The following VPS13A variants were observed in gnomAD, a reference collection of about 807,000 sequenced individuals.
VPS13A encodes the protein intermembrane lipid transfer protein VPS13A.
Under a neutral mutation model 390.9 loss-of-function variants are expected in VPS13A, and 264 were observed. The observed-to-expected ratio is 0.68, with a 90% confidence interval of 0.61 to 0.75. The LOEUF (loss-of-function observed/expected upper bound fraction) is 0.75, where lower values mean the gene tolerates loss of function less well. Ranked by LOEUF, VPS13A falls within the 30% of genes least tolerant of loss-of-function variation. The pLI is 0.00. For synonymous variants in VPS13A, 1,231 were observed against 1,227.1 expected (o/e 1.00, Z -0.07); for missense variants, 3,409 against 3,733.9 (o/e 0.91, Z 2.27).
intron 33 of VPS13A, among the ~76,000 whole-genome samples, chr9:77,302,359 AT>A (rs1828423342): frequency 1.7e-5 from 2 of 119,050 alleles, no homozygotes; most frequent in Admixed American, 8.5e-5. Flanking sequence ...AAAAATACAT[AT>A]TTTTCCCCTT....
At chr9:77,357,316 C>CAAAAA (rs1156801817) in intron 55 of VPS13A, among the ~76,000 whole-genome samples, 98 of 44,484 alleles carry the variant, frequency 2.2e-3, no homozygotes, top group African/African-American at 3.0e-3. Context: ...GACTCTGTCT[C>CAAAAA]AAAAAAAAAA....
chr9:77,199,859 G>T, intron 1 of VPS13A, 86 bp from the exon 2 acceptor site: 1 of 1,111,746 alleles, frequency 9.0e-7, no homozygotes, highest in South Asian at 1.4e-5. Flanking sequence ...TATTTTTCCT[G>T]ATTATGACAG....
At chr9:77,302,849 TTA>T (rs1828461941) in intron 33 of VPS13A, 64 bp from the exon 34 acceptor site, 3 of 1,500,728 alleles carry the variant, frequency 2.0e-6, no homozygotes, top group Admixed American at 3.4e-5. Context: ...TAAATTTAAG[TTA>T]ATCTTTTTTT....
rs777107811 is a variant in VPS13A at position 77,275,487 on chromosome 9, G to A, written c.2513-11G>A. ...TAATTATTGACTTAAATAATGTTCT[G>A]TGAAATGTAGATTCAGAGGAGGAAT... On this transcript the variant is annotated splice_polypyrimidine_tract_variant and intron_variant, in intron 24 of 71. Transcript: ENST00000360280. 1.2e-6 allele frequency: 2 copies of A among 1,612,446 alleles called. No individual in the cohort carries two copies. Among genetic ancestry groups the A allele is most frequent in the Non-Finnish European group, 1.7e-6 (2 of 1,178,748 alleles).
At chr9:77,407,080 T>C (rs1036061816) in intron 70 of VPS13A, among the ~76,000 whole-genome samples, 3 of 152,236 alleles carry the variant, frequency 2.0e-5, no homozygotes, top group African/African-American at 7.2e-5. Context: ...AGTACATACA[T>C]GCACGCACAC....
chr9:77,192,541 A>G (rs967877251), intron 1 of VPS13A, among the ~76,000 whole-genome samples: 2 of 152,168 alleles, frequency 1.3e-5, no homozygotes, highest in African/African-American at 4.8e-5. Context: ...GTCTGGTGGT[A>G]ATGAGTTCCC....
intron 19 of VPS13A, among the ~76,000 whole-genome samples, chr9:77,241,391 A>G (rs1824484441): frequency 7.3e-6 from 1 of 136,408 alleles, no homozygotes; most frequent in Non-Finnish European, 1.6e-5. Context: ...CTGTGTTGTC[A>G]TTCTTTTTTG....
At position 77,283,505 on chromosome 9, in the gene VPS13A, C is replaced by G. The variant is rs769906842; in HGVS notation, c.3235+34C>G. ...ATTTCACAAAAAGCAAATTAAAAGA[C>G]ATTAAATGAAAGAAAAGGCAGTCAT... On this transcript the variant is annotated intron_variant, in intron 30 of 71. Coordinates refer to ENST00000360280, the MANE Select transcript of VPS13A (RefSeq NM_033305.3). The G allele has an allele frequency of 5.6e-6, 9 of 1,604,756 alleles. No homozygotes were observed. In the South Asian group the frequency reaches 9.9e-5, roughly 18 times the overall value.
intron 46 of VPS13A, 43 bp from the exon 47 acceptor site, chr9:77,337,212 T>C: frequency 6.4e-7 from 1 of 1,561,566 alleles, no homozygotes; most frequent in Non-Finnish European, 8.7e-7. Context: ...TTAATATGTT[T>C]TCCTTTAAAA....
At chr9:77,409,003 T>TG (rs1170594793) in intron 71 of VPS13A, among the ~76,000 whole-genome samples, 1 of 152,200 alleles carries the variant, frequency 6.6e-6, no homozygotes, top group Non-Finnish European at 1.5e-5. Context: ...CCTCCTCAAG[T>TG]GGGTCCCTGA....
chr9:77,209,336 G>A, intron 5 of VPS13A, 87 bp from the exon 6 acceptor site: 1 of 904,178 alleles, frequency 1.1e-6, no homozygotes, highest in Non-Finnish European at 1.8e-6. Flanking sequence ...TTTCAGCAAG[G>A]CAACGTAAGC....
At chr9:77,284,295 T>C (rs180955323) in intron 31 of VPS13A, among the ~76,000 whole-genome samples, 50 of 152,304 alleles carry the variant, frequency 3.3e-4, no homozygotes, top group Non-Finnish European at 3.5e-4. Context: ...AAGTACTTGT[T>C]GAGTCAGGAA....
At chr9:77,392,269 C>T (rs17063579) in intron 68 of VPS13A, among the ~76,000 whole-genome samples, 13,346 of 152,020 alleles carry the variant, frequency 0.088, 688 homozygotes, top group East Asian at 0.14. Flanking sequence ...TACCAATGAA[C>T]GGTTAAAATG....
intron 33 of VPS13A, among the ~76,000 whole-genome samples, chr9:77,299,827 GA>G (rs1828239752): frequency 6.6e-6 from 1 of 152,116 alleles, no homozygotes; most frequent in African/African-American, 2.4e-5. Flanking sequence ...CACGGGAACA[GA>G]AAACCAAATA....
chr9:77,278,849 G>A (rs1202938356), intron 26 of VPS13A, among the ~76,000 whole-genome samples: 1 of 152,214 alleles, frequency 6.6e-6, no homozygotes, highest in African/African-American at 2.4e-5. Flanking sequence ...ATTTTGAGCA[G>A]AAGCAGTAAT....
At chr9:77,383,963 TTG>T (rs1563980352) in intron 68 of VPS13A, among the ~76,000 whole-genome samples, 2 of 138,924 alleles carry the variant, frequency 1.4e-5, no homozygotes, top group Admixed American at 7.9e-5. Context: ...GTGGTGGGTT[TTG>T]TTTTTTTTTT....
At chr9:77,228,050 G>A (rs1053367902) in intron 16 of VPS13A, 72 bp from the exon 17 acceptor site, 2 of 1,140,532 alleles carry the variant, frequency 1.8e-6, no homozygotes, top group Non-Finnish European at 1.2e-6. Flanking sequence ...TGAAATGAAT[G>A]TACTATAAGA....
intron 50 of VPS13A, among the ~76,000 whole-genome samples, chr9:77,342,192 AAC>A (rs753304701): frequency 2.2e-4 from 34 of 152,180 alleles, no homozygotes; most frequent in Non-Finnish European, 4.1e-4. Flanking sequence ...ATAGCTGATT[AAC>A]ACAAACCACA....
Position 77,416,055 on chromosome 9 carries a change from A to C in VPS13A, c.*49A>C. 6.2e-7 allele frequency: 1 copy of C among 1,604,452 alleles called. No individual in the cohort carries two copies. The highest frequency in any genetic ancestry group is 1.3e-5 in the African/African-American group (1 of 74,826). On this transcript the variant is annotated 3_prime_UTR_variant, in exon 72 of 72. Coordinates refer to ENST00000360280, the MANE Select transcript of VPS13A (RefSeq NM_033305.3). ...ACAGCAATAAGTGATTACAGCTCCT[A>C]GACTACCTTCCAAAACCTGTTTGGG...
Sources: gnomAD v4.1 joint callset for allele counts (sites outside exome capture counted in the v4.1 genomes callset) on GRCh38, gnomAD v4.1.1 for gene constraint, MANE v1.5 for transcripts, NCBI Gene and HGNC (gene_info 2026-07-23, HGNC 2026-07-21) for gene names.